SGCZ: variants seen among roughly 807,000 people sequenced by gnomAD.
The protein encoded by SGCZ is sarcoglycan zeta, also known as zeta-sarcoglycan.
In SGCZ, 40 loss-of-function variants were observed where a neutral mutation model predicts 41.3. The observed-to-expected ratio is 0.97, with a 90% confidence interval of 0.75 to 1.26. SGCZ has a LOEUF of 1.26. SGCZ is among the 50% of genes most tolerant of loss of function. The pLI is 0.00. For synonymous variants in SGCZ, 206 were observed against 137.5 expected (o/e 1.50, Z -3.49); for missense variants, 552 against 369.8 (o/e 1.49, Z -4.04).
At chr8:14,140,986 G>A (rs1400358971) in intron 5 of SGCZ, among the ~76,000 whole-genome samples, 1 of 152,092 alleles carries the variant, frequency 6.6e-6, no homozygotes, top group Non-Finnish European at 1.5e-5. Context: ...ATAGACCAAT[G>A]GAACAGGACA....
chr8:14,898,501 T>G (rs1805287049), intron 1 of SGCZ, among the ~76,000 whole-genome samples: 2 of 152,120 alleles, frequency 1.3e-5, no homozygotes, highest in East Asian at 1.9e-4. Flanking sequence ...ACTGATATGG[T>G]TAGGTTGTGT....
chr8:15,227,350 T>G (rs552952378), intron 1 of SGCZ, among the ~76,000 whole-genome samples: 1 of 152,324 alleles, frequency 6.6e-6, no homozygotes, highest in Non-Finnish European at 1.5e-5. Context: ...ATTCATATAA[T>G]GCATATACAT....
intron 1 of SGCZ, among the ~76,000 whole-genome samples, chr8:14,831,258 A>G (rs1166919439): frequency 6.6e-6 from 1 of 152,208 alleles, no homozygotes; most frequent in African/African-American, 2.4e-5. Flanking sequence ...TCAGTTGTAG[A>G]TATTTGAGGA....
intron 4 of SGCZ, among the ~76,000 whole-genome samples, chr8:14,197,137 TAA>T (rs1229519527): frequency 6.6e-6 from 1 of 152,136 alleles, no homozygotes; most frequent in Non-Finnish European, 1.5e-5. Flanking sequence ...TGTTATAAAA[TAA>T]AGTTTCCTAA....
chr8:15,205,250 A>T (rs928206327), intron 1 of SGCZ, among the ~76,000 whole-genome samples: 4 of 152,210 alleles, frequency 2.6e-5, no homozygotes, highest in Non-Finnish European at 5.9e-5. Context: ...AACCAAATTG[A>T]CAAGTGGGAT....
intron 1 of SGCZ, among the ~76,000 whole-genome samples, chr8:14,660,052 G>T (rs984180508): frequency 6.6e-6 from 1 of 152,144 alleles, no homozygotes; most frequent in Non-Finnish European, 1.5e-5. Context: ...GCTTTTTCTT[G>T]CAGCCTTCAA....
intron 1 of SGCZ, among the ~76,000 whole-genome samples, chr8:14,789,071 C>T (rs1011950915): frequency 4.6e-5 from 7 of 152,106 alleles, no homozygotes; most frequent in East Asian, 1.9e-4. Context: ...AACAACCCTG[C>T]GCCTCATTTC....
intron 1 of SGCZ, among the ~76,000 whole-genome samples, chr8:14,853,680 C>A (rs552612048): frequency 3.3e-5 from 5 of 151,988 alleles, no homozygotes; most frequent in African/African-American, 1.2e-4. Flanking sequence ...AGAATGACAA[C>A]GCTGAGAAAT....
intron 4 of SGCZ, among the ~76,000 whole-genome samples, chr8:14,198,936 C>G (rs1456126244): frequency 2.0e-5 from 3 of 152,124 alleles, no homozygotes; most frequent in Non-Finnish European, 4.4e-5. Flanking sequence ...TCTTCGTAAG[C>G]TGAGGATGTA....
At chr8:14,251,658 T>C (rs1799290424) in intron 3 of SGCZ, among the ~76,000 whole-genome samples, 3 of 152,234 alleles carry the variant, frequency 2.0e-5, no homozygotes, top group Non-Finnish European at 4.4e-5. Context: ...TATAAAAACA[T>C]TGTTTTTAAT....
chr8:14,801,015 TTATAAC>T (rs1193800211), intron 1 of SGCZ, among the ~76,000 whole-genome samples: 1 of 152,198 alleles, frequency 6.6e-6, no homozygotes, highest in African/African-American at 2.4e-5. Context: ...CAGGTTAACT[TTATAAC>T]TATAATTTCA....
chr8:14,674,914 CTCTTT>C (rs1444437778), intron 1 of SGCZ, among the ~76,000 whole-genome samples: 2 of 137,602 alleles, frequency 1.5e-5, no homozygotes, highest in Admixed American at 7.3e-5. Context: ...CCAATTTAAC[CTCTTT>C]TCTTTTCTGT....
chr8:15,167,290 G>A (rs1799693707), intron 1 of SGCZ, among the ~76,000 whole-genome samples: 2 of 152,192 alleles, frequency 1.3e-5, no homozygotes, highest in African/African-American at 4.8e-5. Flanking sequence ...TTCCCTTTAA[G>A]GTGTCAATCT....
At chr8:14,803,277 C>T (rs1477685354) in intron 1 of SGCZ, among the ~76,000 whole-genome samples, 4 of 152,106 alleles carry the variant, frequency 2.6e-5, no homozygotes, top group Admixed American at 6.5e-5. Flanking sequence ...GCGTGAGCGA[C>T]GCAGAAGACG....
In SGCZ at chr8:14,090,629, TA is replaced by T; in HGVS notation, c.752del (p.Leu251Ter). The T allele has an allele frequency of 1.2e-6, 2 of 1,608,936 alleles. No homozygotes were observed. The highest frequency in any genetic ancestry group is 1.1e-5 in the South Asian group (1 of 90,484). Reference sequence around the variant, plus strand: ...TTCCCAGCTTGATTGTCTCTGCATTTAAAAATATCTATGGGAAAAAAGAAAT... The same window carrying T: ...TTCCCAGCTTGATTGTCTCTGCATTTAAAATATCTATGGGAAAAAAGAAAT... Reference protein sequence around the residue: ...HLQSTEGEIFLNAETIKLGNL... With the variant: ...HLQSTEGEIFXNAETIKLGNL... On this transcript the variant is annotated frameshift_variant, in exon 8 of 8. Coordinates refer to ENST00000382080, the MANE Select transcript of SGCZ (RefSeq NM_139167.4). LOFTEE classifies it high-confidence loss of function.
At chr8:14,254,477 C>G (rs1316098753) in intron 3 of SGCZ, among the ~76,000 whole-genome samples, 1 of 152,102 alleles carries the variant, frequency 6.6e-6, no homozygotes, top group Non-Finnish European at 1.5e-5. Context: ...CAGATGTTAT[C>G]TTAGGTCAAA....
chr8:14,809,071 G>T (rs1012393917), intron 1 of SGCZ, among the ~76,000 whole-genome samples: 1 of 146,824 alleles, frequency 6.8e-6, no homozygotes, highest in Non-Finnish European at 1.5e-5. Flanking sequence ...CACACTCTGG[G>T]GACTGTTGTG....
At chr8:15,212,621 T>C (rs960376844) in intron 1 of SGCZ, among the ~76,000 whole-genome samples, 3 of 152,212 alleles carry the variant, frequency 2.0e-5, no homozygotes, top group South Asian at 2.1e-4. Context: ...ATTTTGAATA[T>C]AGAGGCTTCA....
chr8:15,035,973 T>C (rs1471714248), intron 1 of SGCZ, among the ~76,000 whole-genome samples: 1 of 151,726 alleles, frequency 6.6e-6, no homozygotes. Context: ...AGCCCAAAGA[T>C]AGTATAAGAC....
Sources: gnomAD v4.1 joint callset for allele counts (sites outside exome capture counted in the v4.1 genomes callset) on GRCh38, gnomAD v4.1.1 for gene constraint, MANE v1.5 for transcripts, NCBI Gene and HGNC (gene_info 2026-07-23, HGNC 2026-07-21) for gene names.